Variants in LMX1B observed in about 807,000 individuals in gnomAD.
The protein encoded by LMX1B is LIM homeobox transcription factor 1-beta.
LMX1B carries 12 observed loss-of-function variants against 51.4 expected under a neutral mutation model. The ratio of observed to expected loss-of-function variants is 0.23; its 90% CI spans 0.15 to 0.38. The LOEUF (loss-of-function observed/expected upper bound fraction) is 0.38, where lower values mean the gene tolerates loss of function less well. LMX1B is among the 10% of genes least tolerant of loss of function. The pLI is 1.00. For missense variants in LMX1B, 445 were observed against 571.1 expected (o/e 0.78, Z 2.25); for synonymous variants, 237 against 235.4 (o/e 1.01, Z -0.06).
chr9:126,635,511 G>T (rs1428610520), intron 2 of LMX1B, among the ~76,000 whole-genome samples: 2 of 152,266 alleles, frequency 1.3e-5, no homozygotes, highest in Non-Finnish European at 2.9e-5. Context: ...TCACACACAT[G>T]ACCTTTGAGA....
rs1161738395 is a variant in LMX1B at position 126,693,564 on chromosome 9, G to A, written c.782G>A (p.Arg261His). ...GCAGCTGAGACGGGCCTCAGTGTGC[G>A]CGTGGTCCAGGTCTGGTTTCAGAAC... The part of the protein sequence containing the change: ...TLAAETGLSV[R>H]VVQVWFQNQR... The change falls in exon 5 of 8, where the codon CGC becomes CAC. Residue 261 changes from arginine to histidine, a missense_variant. This residue lies in a region of LMX1B where 10 missense variants were observed against 39.9 expected (regional missense o/e 0.25). Coordinates refer to ENST00000373474, the MANE Select transcript of LMX1B (RefSeq NM_001174147.2). The A allele has an allele frequency of 1.9e-6, 3 of 1,614,136 alleles. No homozygotes were observed. Among genetic ancestry groups the A allele is most frequent in the Middle Eastern group, 1.7e-4 (1 of 6,056 alleles).
chr9:126,617,881 G>C (rs1308459808), intron 2 of LMX1B, among the ~76,000 whole-genome samples: 2 of 119,906 alleles, frequency 1.7e-5, no homozygotes, highest in Admixed American at 1.1e-4. Flanking sequence ...AGGTATCTGC[G>C]TTAGGCCGGC....
chr9:126,675,055 C>T (rs1281990905), intron 2 of LMX1B, among the ~76,000 whole-genome samples: 3 of 152,006 alleles, frequency 2.0e-5, no homozygotes, highest in African/African-American at 7.3e-5. Flanking sequence ...GCTGTTGTTC[C>T]AACGTAGAGT....
At chr9:126,651,985 G>C (rs552994412) in intron 2 of LMX1B, among the ~76,000 whole-genome samples, 1 of 144,038 alleles carries the variant, frequency 6.9e-6, no homozygotes, top group African/African-American at 2.5e-5. Flanking sequence ...CACAAGCCTC[G>C]GTAGTGGCCA....
chr9:126,618,967 G>A lies in LMX1B; in HGVS notation c.326+3398G>A, dbSNP rs114520981. On this transcript the variant is annotated intron_variant, in intron 2 of 7. Transcript: ENST00000373474. The surrounding 1 kb of genome is among the most constrained non-coding windows in gnomAD (Gnocchi z 4.5). Reference sequence around the variant, plus strand: ...GGCCGCGCTCCTACCTCGGCGGCGGGGCCGCGGCGTCCTTCCGCCCGCAGG... The same window carrying A: ...GGCCGCGCTCCTACCTCGGCGGCGGAGCCGCGGCGTCCTTCCGCCCGCAGG... Among the ~76,000 whole-genome samples, 579 of 152,124 alleles carry A rather than the reference G, an allele frequency of 3.8e-3. 6 individuals carry two copies. Among genetic ancestry groups the A allele is most frequent in the African/African-American group, 0.013 (551 of 41,530 alleles).
At chr9:126,693,411 A>G (rs1428198610) in intron 4 of LMX1B, 88 bp downstream of exon 4, 4 of 1,514,950 alleles carry the variant, frequency 2.6e-6, no homozygotes, top group African/African-American at 1.4e-5. Flanking sequence ...TGCTGGGGGT[A>G]GGGACATCCC....
chr9:126,643,922 C>T (rs1036595672), intron 2 of LMX1B, among the ~76,000 whole-genome samples: 3 of 152,248 alleles, frequency 2.0e-5, no homozygotes, highest in Non-Finnish European at 4.4e-5. Context: ...CCACTTTGCA[C>T]ATGAGGAAAC....
chr9:126,651,927 G>A (rs972330676), intron 2 of LMX1B, among the ~76,000 whole-genome samples: 4 of 151,944 alleles, frequency 2.6e-5, no homozygotes, highest in African/African-American at 9.7e-5. Flanking sequence ...TTTGAACAGG[G>A]ACCCTACCAG....
At chr9:126,647,721 G>A (rs1041285270) in intron 2 of LMX1B, among the ~76,000 whole-genome samples, 1 of 152,246 alleles carries the variant, frequency 6.6e-6, no homozygotes, top group African/African-American at 2.4e-5. Flanking sequence ...GGGCAGTGTG[G>A]AGCCCTGGCC....
chr9:126,614,856 C>T (rs1383100504), intron 1 of LMX1B, among the ~76,000 whole-genome samples: 1 of 151,884 alleles, frequency 6.6e-6, no homozygotes, highest in African/African-American at 2.4e-5. Context: ...TGGTAGGTGG[C>T]GGGTGGCAGG....
intron 2 of LMX1B, among the ~76,000 whole-genome samples, chr9:126,647,496 A>G (rs925549971): frequency 6.6e-6 from 1 of 152,178 alleles, no homozygotes; most frequent in African/African-American, 2.4e-5. Context: ...GTGCACCGGC[A>G]TAGTGTTCAT....
At chr9:126,657,474 A>C (rs1362548651) in intron 2 of LMX1B, among the ~76,000 whole-genome samples, 1 of 152,198 alleles carries the variant, frequency 6.6e-6, no homozygotes, top group Non-Finnish European at 1.5e-5. Context: ...TGTTTCCAGG[A>C]TCACCTTATC....
intron 2 of LMX1B, among the ~76,000 whole-genome samples, chr9:126,666,958 C>A (rs149638715): frequency 2.8e-4 from 42 of 152,158 alleles, no homozygotes; most frequent in African/African-American, 9.2e-4. Context: ...GAGCTTAGGG[C>A]GAAATGACAA....
At position 126,690,851 on chromosome 9, in the gene LMX1B, G is replaced by A. The variant is rs2030094772; in HGVS notation, c.342G>A (p.Lys114=). 6.2e-7 allele frequency: 1 copy of A among 1,611,534 alleles called. No individual in the cohort carries two copies. Among genetic ancestry groups the A allele is most frequent in the Non-Finnish European group, 8.5e-7 (1 of 1,179,574 alleles). Residue 114 remains lysine, a synonymous_variant, in exon 3 of 8, where the codon AAG becomes AAA. Coordinates refer to ENST00000373474, the MANE Select transcript of LMX1B (RefSeq NM_001174147.2). ...GCATCCGCAGGCTCTTCGCGGCCAA[G>A]TGCAGCGGCTGCATGGAGAAGATCG... is the stretch of plus-strand genomic sequence containing the variant. ...KQDYQQLFAA[K]CSGCMEKIAP...
At chr9:126,665,224 C>T (rs981253782) in intron 2 of LMX1B, among the ~76,000 whole-genome samples, 1 of 152,226 alleles carries the variant, frequency 6.6e-6, no homozygotes, top group Non-Finnish European at 1.5e-5. Context: ...CGGTCCCCCT[C>T]CTCCACGGTC....
chr9:126,693,941 C>A, intron 6 of LMX1B, 129 bp downstream of exon 6: 1 of 612,176 alleles, frequency 1.6e-6, no homozygotes. Context: ...GGGACCGGGG[C>A]TGCACCTGTC....
chr9:126,636,104 A>G (rs1835709399), intron 2 of LMX1B, among the ~76,000 whole-genome samples: 1 of 152,042 alleles, frequency 6.6e-6, no homozygotes, highest in Non-Finnish European at 1.5e-5. Flanking sequence ...CCCCACTCTC[A>G]CTGAGGCTAG....
At chr9:126,682,989 C>T (rs1362258813) in intron 2 of LMX1B, among the ~76,000 whole-genome samples, 1 of 151,564 alleles carries the variant, frequency 6.6e-6, no homozygotes, top group Admixed American at 6.6e-5. Flanking sequence ...TGGGATGGCT[C>T]CCCGGGCTCC....
chr9:126,692,677 T>TG (rs1214862616), intron 3 of LMX1B, among the ~76,000 whole-genome samples: 1 of 152,210 alleles, frequency 6.6e-6, no homozygotes, highest in Non-Finnish European at 1.5e-5. Context: ...CACTCTTGTG[T>TG]GAATATCTGT....
Sources: gnomAD v4.1 joint callset for allele counts (sites outside exome capture counted in the v4.1 genomes callset) on GRCh38, gnomAD v4.1.1 for gene constraint, gnomAD v4.1.1 regional missense constraint, Gnocchi (gnomAD v3.1) non-coding constraint, MANE v1.5 for transcripts, NCBI Gene and HGNC (gene_info 2026-07-23, HGNC 2026-07-21) for gene names.